RNF150: variants seen among roughly 807,000 people sequenced by gnomAD.
RNF150 encodes the protein ring finger protein 150.
Under a neutral mutation model 39.3 loss-of-function variants are expected in RNF150, and 24 were observed. The ratio of observed to expected loss-of-function variants is 0.61; its 90% CI spans 0.44 to 0.86. RNF150 has a LOEUF of 0.86. Ranked by LOEUF, RNF150 falls within the 40% of genes least tolerant of loss-of-function variation. The probability of loss-of-function intolerance (pLI) is 0.00; values close to 1 mark genes in which losing one functional copy is unlikely to be tolerated. For synonymous variants in RNF150, 255 were observed against 227.3 expected, an observed-to-expected ratio of 1.12 and a Z score of -1.10; for missense variants, 502 against 587.8, an observed-to-expected ratio of 0.85 and a Z score of 1.51.
chr4:141,051,169 G>A (rs1241841571), intron 1 of RNF150, among the ~76,000 whole-genome samples: 1 of 152,114 alleles, frequency 6.6e-6, no homozygotes, highest in Non-Finnish European at 1.5e-5. Flanking sequence ...TGGAGCGACT[G>A]GGATGCAGAG....
At chr4:141,040,097 G>C (rs1413556524) in intron 1 of RNF150, among the ~76,000 whole-genome samples, 2 of 151,952 alleles carry the variant, frequency 1.3e-5, no homozygotes, top group African/African-American at 4.8e-5. Context: ...TACCTTTGCT[G>C]CTATGTTTGG....
At position 141,204,823 on chromosome 4, in the gene RNF150, T is replaced by C. The variant is rs138886816; in HGVS notation, c.-6+7971A>G. 2.4e-3 allele frequency among the ~76,000 whole-genome samples: 367 copies of C among 152,336 alleles called. 3 individuals carry two copies. Among genetic ancestry groups the C allele is most frequent in the African/African-American group, 8.3e-3 (347 of 41,584 alleles). On this transcript the variant is annotated intron_variant, in intron 1 of 7. Coordinates refer to the RNF150 transcript ENST00000420921. ...CTTTGGTTGAATGTTAATAAGTATT[T>C]TGAGGGTCAGATATGCAAATCTTAT...
intron 6 of RNF150, among the ~76,000 whole-genome samples, chr4:140,880,518 T>C (rs1259986034): frequency 6.6e-6 from 1 of 151,846 alleles, no homozygotes; most frequent in Non-Finnish European, 1.5e-5. Context: ...CCTCATAAAA[T>C]AGTTTAGAAG....
intron 1 of RNF150, among the ~76,000 whole-genome samples, chr4:141,058,105 C>A (rs926435142): frequency 6.6e-6 from 1 of 152,002 alleles, no homozygotes; most frequent in African/African-American, 2.4e-5. Flanking sequence ...TCTTGATATA[C>A]CAAATGGATA....
chr4:140,939,340 T>C (rs543227234), intron 4 of RNF150, among the ~76,000 whole-genome samples: 5 of 152,198 alleles, frequency 3.3e-5, no homozygotes, highest in Non-Finnish European at 7.3e-5. Flanking sequence ...AGCCTTACAT[T>C]GCAAATTTTT....
At chr4:140,943,086 T>A (rs1446483698) in intron 4 of RNF150, among the ~76,000 whole-genome samples, 1 of 152,290 alleles carries the variant, frequency 6.6e-6, no homozygotes, top group African/African-American at 2.4e-5. Context: ...AAAATTCTCA[T>A]TGGGCCAGAA....
chr4:141,039,739 T>C (rs1168621675), intron 1 of RNF150, among the ~76,000 whole-genome samples: 1 of 152,102 alleles, frequency 6.6e-6, no homozygotes, highest in African/African-American at 2.4e-5. Context: ...CAAGAAGTTA[T>C]TAACTGCAAG....
chr4:140,946,268 G>C (rs1038719504), intron 4 of RNF150, among the ~76,000 whole-genome samples: 3 of 152,170 alleles, frequency 2.0e-5, no homozygotes, highest in Non-Finnish European at 4.4e-5. Context: ...TCCCTTGGGA[G>C]TTTATGCATC....
chr4:140,907,974 G>A (rs1036877846), intron 6 of RNF150, among the ~76,000 whole-genome samples: 1 of 152,138 alleles, frequency 6.6e-6, no homozygotes, highest in African/African-American at 2.4e-5. Context: ...TCCTTTTTTG[G>A]TAATTTCCTG....
Position 141,012,369 on chromosome 4 carries a change from A to C in RNF150, c.485-44496T>G, listed in dbSNP as rs192831698. The stretch of plus-strand genomic sequence containing the variant: ...GTCCCTACATGTAACTCTGGTTAGG[A>C]CTGGATAAATAAATGGGCCTCCCCC... On this transcript the variant is annotated intron_variant, in intron 1 of 6. Transcript: ENST00000515673. 2.0e-5 allele frequency among the ~76,000 whole-genome samples: 3 copies of C among 152,362 alleles called. No homozygotes were observed. In the East Asian group the frequency reaches 5.8e-4, roughly 29 times the overall value.
At chr4:141,048,417 A>G (rs2110881873) in intron 1 of RNF150, among the ~76,000 whole-genome samples, 1 of 152,306 alleles carries the variant, frequency 6.6e-6, no homozygotes, top group East Asian at 1.9e-4. Flanking sequence ...CTTGGCATGC[A>G]GCCATCAAGG....
intron 1 of RNF150, among the ~76,000 whole-genome samples, chr4:141,122,884 A>T (rs1726652067): frequency 1.3e-5 from 2 of 152,266 alleles, no homozygotes; most frequent in African/African-American, 4.8e-5. Flanking sequence ...ACGTTTTATT[A>T]ATACATATTT....
At chr4:140,920,798 C>A (rs1460937244) in intron 5 of RNF150, among the ~76,000 whole-genome samples, 2 of 151,448 alleles carry the variant, frequency 1.3e-5, no homozygotes, top group African/African-American at 4.8e-5. Flanking sequence ...AAATGTCCAA[C>A]AATGATAGAC....
intron 1 of RNF150, among the ~76,000 whole-genome samples, chr4:141,178,439 C>T (rs943127810): frequency 3.3e-5 from 5 of 152,012 alleles, no homozygotes; most frequent in African/African-American, 7.2e-5. Context: ...TTTGTGCTTC[C>T]GATTCAAAGA....
intron 1 of RNF150, among the ~76,000 whole-genome samples, chr4:141,089,109 A>C (rs1172974866): frequency 6.6e-6 from 1 of 152,132 alleles, no homozygotes; most frequent in Non-Finnish European, 1.5e-5. Context: ...AAAGGAAGAA[A>C]AGCTAGTTGC....
At chr4:141,159,336 T>A (rs1443815114) in intron 1 of RNF150, among the ~76,000 whole-genome samples, 1 of 152,192 alleles carries the variant, frequency 6.6e-6, no homozygotes, top group Non-Finnish European at 1.5e-5. Context: ...GACACTGAAA[T>A]TTGACATTAA....
At chr4:141,000,021 A>G (rs867653023) in intron 1 of RNF150, among the ~76,000 whole-genome samples, 596 of 26,054 alleles carry the variant, frequency 0.023, 104 homozygotes, top group African/African-American at 0.058. Context: ...GAAGAAGAAG[A>G]AGAAGAAGAA....
intron 1 of RNF150, among the ~76,000 whole-genome samples, chr4:141,109,749 A>G (rs1739326260): frequency 6.6e-6 from 1 of 152,174 alleles, no homozygotes; most frequent in Non-Finnish European, 1.5e-5. Flanking sequence ...CTACAATAAA[A>G]TGTGAATATT....
At chr4:140,950,950 C>T (rs1732516446) in intron 2 of RNF150, among the ~76,000 whole-genome samples, 1 of 151,898 alleles carries the variant, frequency 6.6e-6, no homozygotes, top group Non-Finnish European at 1.5e-5. Flanking sequence ...AGGCAGCAGG[C>T]AAAAATAGGA....
Sources: allele counts gnomAD v4.1 joint callset (sites outside exome capture counted in the v4.1 genomes callset), GRCh38; gene constraint gnomAD v4.1.1; transcripts MANE v1.5; gene names NCBI Gene and HGNC (gene_info 2026-07-23, HGNC 2026-07-21).